Variants in FREM3 observed in about 807,000 individuals in gnomAD.
The protein encoded by FREM3 is FRAS1 related extracellular matrix 3, also known as FRAS1-related extracellular matrix protein 3.
In FREM3, 105 loss-of-function variants were observed where a neutral mutation model predicts 129.1. That is an observed-to-expected ratio of 0.81 (90% CI 0.69 to 0.96). The LOEUF (loss-of-function observed/expected upper bound fraction) is 0.96, where lower values mean the gene tolerates loss of function less well. Among genes scored for constraint, FREM3 ranks in the 40% least tolerant of loss-of-function variants. The pLI, the probability that FREM3 is intolerant of heterozygous loss-of-function variation, is 0.00. For synonymous variants in FREM3, 1,014 were observed against 1,044.9 expected, an observed-to-expected ratio of 0.97 and a Z score of 0.57; for missense variants, 2,593 against 2,666.3, an observed-to-expected ratio of 0.97 and a Z score of 0.61.
At chr4:143,664,122 T>C (rs1240518780) in intron 2 of FREM3, among the ~76,000 whole-genome samples, 2 of 152,172 alleles carry the variant, frequency 1.3e-5, no homozygotes, top group Non-Finnish European at 2.9e-5. Context: ...GTTCCGTTGC[T>C]GGTGAGGAAC....
Position 143,696,347 on chromosome 4 carries a change from G to A in FREM3, c.4329C>T (p.Thr1443=). ...TGTTGGTAAGCAGATTGTTGGTAAG[G>A]GTCACTCTGGCACCTTCTATCAAGG... ...RITLIEGARV[T]LTNNLLTNSD... The change falls in exon 1 of 8, where the codon ACC becomes ACT. Residue 1443 remains threonine, a synonymous_variant. Coordinates refer to ENST00000329798, the MANE Select transcript of FREM3 (RefSeq NM_001168235.2). 6.5e-7 allele frequency: 1 copy of A among 1,537,272 alleles called. No individual in the cohort carries two copies. The highest frequency in any genetic ancestry group is 8.7e-7 in the Non-Finnish European group (1 of 1,146,926).
chr4:143,691,866 AAATATTC>A (rs2149862565), intron 2 of FREM3, among the ~76,000 whole-genome samples: 1 of 136,174 alleles, frequency 7.3e-6, no homozygotes, highest in African/African-American at 2.7e-5. Context: ...ACAGAAAGGA[AAATATTC>A]AATATAAAAT....
At chr4:143,656,424 G>A (rs990504942) in intron 2 of FREM3, among the ~76,000 whole-genome samples, 1 of 152,042 alleles carries the variant, frequency 6.6e-6, no homozygotes, top group African/African-American at 2.4e-5. Context: ...TCTATCAATT[G>A]ATAAATGAGT....
rs1740180020 is a variant in FREM3 at position 143,678,170 on chromosome 4, GA to G, written c.5275+14942del. ...GTCCAACAATGATAGACTGGATTAAGAAAATGTGGCACATATACACCATGGA... is the reference window on the plus strand; with the variant it reads ...GTCCAACAATGATAGACTGGATTAAGAAATGTGGCACATATACACCATGGA... On this transcript the variant is annotated intron_variant, in intron 2 of 7. Coordinates refer to ENST00000329798, the MANE Select transcript of FREM3 (RefSeq NM_001168235.2). 3.9e-5 allele frequency among the ~76,000 whole-genome samples: 6 copies of G among 152,304 alleles called. No individual in the cohort carries two copies. In the South Asian group the frequency reaches 1.0e-3, roughly 26 times the overall value.
chr4:143,664,164 G>T (rs371792182), intron 2 of FREM3, among the ~76,000 whole-genome samples: 1 of 152,070 alleles, frequency 6.6e-6, no homozygotes, highest in Non-Finnish European at 1.5e-5. Flanking sequence ...AGGCGCTCTG[G>T]TTTTTAGAGT....
At position 143,699,811 on chromosome 4, in the gene FREM3, G is replaced by A. The variant is rs1352992658; in HGVS notation, c.865C>T (p.His289Tyr). ...AGSAGVLVRE[H>Y]FQLLVRIRGG... ...CGGATCCTCACGAGCAGCTGGAAGTGCTCGCGGACCAGCACACCCGCGGAC... is the reference window on the plus strand; with the variant it reads ...CGGATCCTCACGAGCAGCTGGAAGTACTCGCGGACCAGCACACCCGCGGAC... The change falls in exon 1 of 8, where the codon CAC (histidine) becomes TAC (tyrosine). Residue 289 changes from histidine (H) to tyrosine (Y), a missense_variant. By Grantham distance (83) the His-to-Tyr change is moderately conservative (BLOSUM62 2). Coordinates refer to ENST00000329798, the MANE Select transcript of FREM3 (RefSeq NM_001168235.2). This position sits in a 1 kb window ranked among gnomAD's most constrained non-coding sequence, Gnocchi z 4.2. 1 of 1,536,488 alleles carries A rather than the reference G, an allele frequency of 6.5e-7. No individual in the cohort carries two copies. The highest frequency in any genetic ancestry group is 8.7e-7 in the Non-Finnish European group (1 of 1,146,862).
rs114587050 is a variant in FREM3, at chr4:143,698,135, G to A, written c.2541C>T (p.Leu847=). The part of the protein sequence containing the change: ...FAILEGGSFN[L]SSNELHVTDP... ...CTGTAACATGCAGCTCATTACTGCT[G>A]AGGTTAAAGCTGCCTCCCTCTAAGA... The change falls in exon 1 of 8, where the codon CTC becomes CTT. Residue 847 remains leucine, a synonymous_variant. Coordinates refer to ENST00000329798, the MANE Select transcript of FREM3 (RefSeq NM_001168235.2). 4,593 of 1,537,446 alleles carry A rather than the reference G, an allele frequency of 3.0e-3. 110 individuals carry two copies. In the African/African-American group the frequency reaches 0.054, roughly 18 times the overall value.
At chr4:143,614,597 T>C (rs1419415688) in intron 5 of FREM3, among the ~76,000 whole-genome samples, 1 of 152,194 alleles carries the variant, frequency 6.6e-6, no homozygotes, top group Admixed American at 6.5e-5. Context: ...TAAAGATTCA[T>C]TGTTTGCAGA....
intron 2 of FREM3, among the ~76,000 whole-genome samples, chr4:143,674,345 A>T (rs1360894541): frequency 1.3e-5 from 2 of 152,202 alleles, no homozygotes; most frequent in African/African-American, 2.4e-5. Flanking sequence ...AACTGCTGAG[A>T]GATTTTGTCA....
rs1473586975 is a variant in FREM3, at chr4:143,611,271, G to A, written c.6028+8C>T. The A allele has an allele frequency of 6.5e-7, 1 of 1,532,460 alleles. No individual in the cohort carries two copies. The highest frequency in any genetic ancestry group is 2.0e-5 in the Admixed American group (1 of 50,940). The allele number at this position is 1,532,460 out of a possible 1,614,324, so 94.9% of individuals were successfully genotyped here. A position where few individuals can be genotyped will look rare whatever the true frequency, so the allele number is the denominator to read the frequency against. On this transcript the variant is annotated splice_region_variant and intron_variant, in intron 6 of 7. Coordinates refer to ENST00000329798, the MANE Select transcript of FREM3 (RefSeq NM_001168235.2). The stretch of plus-strand genomic sequence containing the variant: ...TGCCAAAGGTTGGAAAGCAACAAAT[G>A]GACTTACCATCATAACGATCAGCCA...
chr4:143,619,790 T>C (rs1377336536), intron 5 of FREM3, among the ~76,000 whole-genome samples: 1 of 152,014 alleles, frequency 6.6e-6, no homozygotes, highest in South Asian at 2.1e-4. Context: ...ACTATTAAAG[T>C]TTCCATCTGC....
At chr4:143,692,460 C>T (rs975101666) in intron 2 of FREM3, among the ~76,000 whole-genome samples, 1 of 152,122 alleles carries the variant, frequency 6.6e-6, no homozygotes, top group African/African-American at 2.4e-5. Context: ...ATAATTTCTG[C>T]TATTATCCTG....
rs150192813 is a variant in FREM3, at chr4:143,581,191, C to G, written c.6179-3339G>C. Reference sequence around the variant, plus strand: ...CCACTGTTATCCTCACTGGGTAGGGCCTCTTGATCTGGGAACCCAGCACAG... The same window carrying G: ...CCACTGTTATCCTCACTGGGTAGGGGCTCTTGATCTGGGAACCCAGCACAG... On this transcript the variant is annotated intron_variant, in intron 7 of 7. Transcript: ENST00000329798. Among the ~76,000 whole-genome samples, 1,470 of 152,304 alleles carry G rather than the reference C, an allele frequency of 9.7e-3. 17 individuals are homozygous for G. The highest frequency in any genetic ancestry group is 0.037 in the Middle Eastern group (11 of 294).
At position 143,585,640 on chromosome 4, in the gene FREM3, A is replaced by G. The variant is rs187851161; in HGVS notation, c.6178+204T>C. Reference sequence around the variant, plus strand: ...TGACAAGCCAGTGGGTAATAAATGAATCATAAAGGCTGCTGTTTGAATAAT... The same window carrying G: ...TGACAAGCCAGTGGGTAATAAATGAGTCATAAAGGCTGCTGTTTGAATAAT... On this transcript the variant is annotated intron_variant, in intron 7 of 7. Coordinates refer to ENST00000329798, the MANE Select transcript of FREM3 (RefSeq NM_001168235.2). The surrounding 1 kb of genome is among the most constrained non-coding windows in gnomAD (Gnocchi z 4.2). Among the ~76,000 whole-genome samples the G allele has an allele frequency of 1.1e-4, 16 of 152,316 alleles. No homozygotes were observed. The East Asian group carries it at 2.9e-3, about 28-fold the overall frequency.
At chr4:143,688,796 A>G (rs1289696957) in intron 2 of FREM3, among the ~76,000 whole-genome samples, 2 of 152,202 alleles carry the variant, frequency 1.3e-5, no homozygotes, top group South Asian at 4.1e-4. Context: ...TTTTCAACAA[A>G]TGGTGCTGGG....
At chr4:143,594,623 G>A (rs1247252331) in intron 6 of FREM3, among the ~76,000 whole-genome samples, 1 of 152,172 alleles carries the variant, frequency 6.6e-6, no homozygotes, top group African/African-American at 2.4e-5. Context: ...TTGGGGAAGG[G>A]CAAGAAGTGA....
At chr4:143,611,759 G>T (rs1209008601) in intron 5 of FREM3, among the ~76,000 whole-genome samples, 2 of 152,136 alleles carry the variant, frequency 1.3e-5, no homozygotes, top group African/African-American at 4.8e-5. Flanking sequence ...ATTGAATAAG[G>T]TTTGTTTATA....
intron 7 of FREM3, among the ~76,000 whole-genome samples, chr4:143,579,198 A>G (rs558000485): frequency 3.7e-4 from 56 of 152,316 alleles, no homozygotes; most frequent in African/African-American, 1.3e-3. Context: ...TCATGCCTGT[A>G]ATCTCAGCAC....
chr4:143,579,423 A>C lies in FREM3; in HGVS notation c.6179-1571T>G, dbSNP rs1401731173. On this transcript the variant is annotated intron_variant, in intron 7 of 7. Coordinates refer to ENST00000329798, the MANE Select transcript of FREM3 (RefSeq NM_001168235.2). ...AGCTGAGATCACGCCACTGTACTCCAGCCTGGGTGACAGAGTGAGAGCCTG... is the reference window on the plus strand; with the variant it reads ...AGCTGAGATCACGCCACTGTACTCCCGCCTGGGTGACAGAGTGAGAGCCTG... 4.6e-5 allele frequency among the ~76,000 whole-genome samples: 7 copies of C among 152,230 alleles called. No individual in the cohort carries two copies. In the East Asian group the frequency reaches 1.3e-3, roughly 29 times the overall value.
Sources: gnomAD v4.1 joint callset for allele counts (sites outside exome capture counted in the v4.1 genomes callset) on GRCh38, gnomAD v4.1.1 for gene constraint, Gnocchi (gnomAD v3.1) non-coding constraint, MANE v1.5 for transcripts, NCBI Gene and HGNC (gene_info 2026-07-23, HGNC 2026-07-21) for gene names.